Variants in CYP4A22 observed in about 807,000 individuals in gnomAD.
CYP4A22 encodes cytochrome P450 family 4 subfamily A member 22.
In CYP4A22, 46 loss-of-function variants were observed where a neutral mutation model predicts 56.2. That is an observed-to-expected ratio of 0.82 (90% CI 0.65 to 1.05). The LOEUF is 1.05. CYP4A22 is among the 50% of genes least tolerant of loss of function. The pLI is 0.00. For synonymous variants in CYP4A22, 193 were observed against 251.1 expected, an observed-to-expected ratio of 0.77 and a Z score of 2.19; for missense variants, 541 against 645.9, an observed-to-expected ratio of 0.84 and a Z score of 1.76.
chr1:47,137,927 G>C lies in CYP4A22; in HGVS notation c.195+247G>C, dbSNP rs184872377. ...CTTCTGCAGATATCAAGTGTGTCTT[G>C]GCAGTCCTGCACATGGAGGGCAATG... On this transcript the variant is annotated intron_variant, in intron 1 of 11. Transcript: ENST00000371891. 6.4e-4 allele frequency among the ~76,000 whole-genome samples: 97 copies of C among 151,488 alleles called. 1 individual carries two copies. Among genetic ancestry groups the C allele is most frequent in the Middle Eastern group, 6.8e-3 (2 of 292 alleles).
chr1:47,142,715 T>G lies in CYP4A22; in HGVS notation c.510+480T>G, dbSNP rs138235680. On this transcript the variant is annotated intron_variant, in intron 4 of 11. Coordinates refer to ENST00000371891, the MANE Select transcript of CYP4A22 (RefSeq NM_001010969.4). ...GGTCTATGTTCTCAGAGCAATACCT[T>G]CCATAGATAGCATCATCTCCAGTCA... Among the ~76,000 whole-genome samples the G allele has an allele frequency of 7.8e-3, 1,187 of 152,294 alleles. 9 individuals carry two copies. Among genetic ancestry groups the G allele is most frequent in the South Asian group, 0.034 (164 of 4,828 alleles).
At position 47,137,559 on chromosome 1, in the gene CYP4A22, T is replaced by G; in HGVS notation, c.74T>G (p.Leu25Arg). 1 of 1,614,180 alleles carries G rather than the reference T, an allele frequency of 6.2e-7. No homozygotes were observed. Among genetic ancestry groups the G allele is most frequent in the South Asian group, 1.1e-5 (1 of 91,086 alleles). ...VSGILQVTSL[L>R]ILLLLLIKAA... Reference sequence around the variant, plus strand: ...GGGATCCTCCAAGTGACCTCCCTGCTCATTCTGCTTCTGCTGCTGATCAAG... The same window carrying G: ...GGGATCCTCCAAGTGACCTCCCTGCGCATTCTGCTTCTGCTGCTGATCAAG... Residue 25 changes from leucine (L) to arginine (R), a missense_variant, in exon 1 of 12, where the codon CTC becomes CGC. Transcript: ENST00000371891.
chr1:47,142,502 C>A (rs1459065352), intron 4 of CYP4A22, among the ~76,000 whole-genome samples: 1 of 152,214 alleles, frequency 6.6e-6, no homozygotes, highest in Non-Finnish European at 1.5e-5. Context: ...CACTTTGGAA[C>A]CTCAGCACAA....
At position 47,145,933 on chromosome 1, in the gene CYP4A22, A is replaced by G; in HGVS notation, c.1287+3A>G. 1 of 1,614,120 alleles carries G rather than the reference A, an allele frequency of 6.2e-7. No homozygotes were observed. The highest frequency in any genetic ancestry group is 8.5e-7 in the Non-Finnish European group (1 of 1,180,016). ...CAAAAGTGTGGCCCAACCTAGAGGT[A>G]TGTGGTCCTTGAGAGGAGGAAATGG... On this transcript the variant is annotated splice_donor_region_variant and intron_variant, in intron 10 of 11. Coordinates refer to ENST00000371891, the MANE Select transcript of CYP4A22 (RefSeq NM_001010969.4).
rs768329252 is a variant in CYP4A22, at chr1:47,142,102, C to G, written c.383-6C>G. 6.2e-7 allele frequency: 1 copy of G among 1,611,920 alleles called. No individual in the cohort carries two copies. Among genetic ancestry groups the G allele is most frequent in the East Asian group, 2.2e-5 (1 of 44,856 alleles). On this transcript the variant is annotated splice_polypyrimidine_tract_variant and splice_region_variant and intron_variant, in intron 3 of 11. Transcript: ENST00000371891. The stretch of plus-strand genomic sequence containing the variant: ...ACACACATACACATATTCGTGTCTA[C>G]CTTAGGGTACGGCTTGCTCCTGTTG...
chr1:47,148,762 C>T lies in CYP4A22; in HGVS notation c.1525C>T (p.Leu509Phe), dbSNP rs4926600. Residue 509 changes from leucine (L) to phenylalanine (F), a missense_variant, in exon 12 of 12, where the codon CTC (leucine) becomes TTC (phenylalanine). Around this residue, in one of 3 missense-constraint regions of CYP4A22, gnomAD observed 204 missense variants for 258.9 expected, o/e 0.79. Coordinates refer to ENST00000371891, the MANE Select transcript of CYP4A22 (RefSeq NM_001010969.4). ...TGGAATCCACCTGCGTCTCAGGAGG[C>T]TCCCTAACCCTTGTGAAGACAAGGA... is the stretch of plus-strand genomic sequence containing the variant. ...KNGIHLRLRR[L>F]PNPCEDKDQL 0.099 allele frequency: 160,201 copies of T among 1,612,482 alleles called. 10,494 individuals are homozygous for T. Among genetic ancestry groups the T allele is most frequent in the East Asian group, 0.32 (14,319 of 44,782 alleles).
At chr1:47,144,104 A>G (rs562703304) in intron 6 of CYP4A22, among the ~76,000 whole-genome samples, 188 bp downstream of exon 6, 82 of 152,332 alleles carry the variant, frequency 5.4e-4, no homozygotes, top group African/African-American at 1.9e-3. Context: ...TGGTTTATCA[A>G]TGTCCCCACA....
chr1:47,144,725 G>C lies in CYP4A22; in HGVS notation c.1073G>C (p.Gly358Ala). Residue 358 changes from glycine (G) to alanine (A), a missense_variant, in exon 8 of 12, where the codon GGA (glycine) becomes GCA (alanine). By Grantham distance (60) the Gly-to-Ala change is moderately conservative. Transcript: ENST00000371891. ...GAGATCCATGGCCTCCTGGGTGATGGAGCCTCCATCACCTGGTGAGTGAGG... is the reference window on the plus strand; with the variant it reads ...GAGATCCATGGCCTCCTGGGTGATGCAGCCTCCATCACCTGGTGAGTGAGG... ...REEIHGLLGD[G>A]ASITWNHLDQ... The C allele has an allele frequency of 1.9e-6, 3 of 1,613,960 alleles. No individual in the cohort carries two copies. Among genetic ancestry groups the C allele is most frequent in the Non-Finnish European group, 1.7e-6 (2 of 1,179,900 alleles).
Position 47,137,542 on chromosome 1 carries a change from C to G in CYP4A22, c.57C>G (p.Leu19=). ...GCCTGGGTGGTGTCTCCGGGATCCT[C>G]CAAGTGACCTCCCTGCTCATTCTGC... ...SRRLGGVSGI[L]QVTSLLILLL... is the part of the protein sequence containing the mutation. The change falls in exon 1 of 12, where the codon CTC becomes CTG. Residue 19 remains leucine, a synonymous_variant. Transcript: ENST00000371891. 1 of 1,614,030 alleles carries G rather than the reference C, an allele frequency of 6.2e-7. No homozygotes were observed. The highest frequency in any genetic ancestry group is 1.1e-5 in the South Asian group (1 of 91,084).
At position 47,144,291 on chromosome 1, in the gene CYP4A22, G is replaced by T. The variant is rs1462214102; in HGVS notation, c.791-66G>T. 2.5e-6 allele frequency: 4 copies of T among 1,573,178 alleles called. No homozygotes were observed. The East Asian group carries it at 6.8e-5, about 27-fold the overall frequency. On this transcript the variant is annotated intron_variant, in intron 6 of 11. Transcript: ENST00000371891. Reference sequence around the variant, plus strand: ...CAGGCACCCACACTGGGGCAGTTGGGCAGCTAGGCCTCCTGGGGGCTGCTG... The same window carrying T: ...CAGGCACCCACACTGGGGCAGTTGGTCAGCTAGGCCTCCTGGGGGCTGCTG...
chr1:47,143,640 A>G (rs1645038921), intron 5 of CYP4A22, 122 bp from the exon 6 acceptor site: 1 of 1,396,770 alleles, frequency 7.2e-7, no homozygotes, highest in Middle Eastern at 1.9e-4. Flanking sequence ...TGTAAGATAG[A>G]AGAAACATTG....
intron 9 of CYP4A22, among the ~76,000 whole-genome samples, chr1:47,145,472 T>G (rs1645065925): frequency 6.6e-6 from 1 of 152,152 alleles, no homozygotes; most frequent in Admixed American, 6.5e-5. Context: ...GACAAGACAA[T>G]TGGTCTCTCT....
intron 1 of CYP4A22, among the ~76,000 whole-genome samples, chr1:47,138,341 C>G (rs1644968090): frequency 6.6e-6 from 1 of 152,166 alleles, no homozygotes; most frequent in Non-Finnish European, 1.5e-5. Context: ...GCACAATGTC[C>G]TCCAAGTGAG....
chr1:47,140,855 T>A lies in CYP4A22; in HGVS notation c.271T>A (p.Trp91Arg), dbSNP rs775848300. 3 of 1,614,014 alleles carry A rather than the reference T, an allele frequency of 1.9e-6. No individual in the cohort carries two copies. Among genetic ancestry groups the A allele is most frequent in the African/African-American group, 1.3e-5 (1 of 74,902 alleles). The part of the protein sequence containing the change: ...TFPSACPYWI[W>R]GGKVRVQLYD... ...CCCAAGTGCCTGTCCTTATTGGATA[T>A]GGGGAGGCAAAGTTCGTGTCCAGCT... is the stretch of plus-strand genomic sequence containing the variant. Residue 91 changes from tryptophan (W) to arginine (R), a missense_variant, in exon 2 of 12, where the codon TGG becomes AGG. This residue lies in a region of CYP4A22 where 335 missense variants were observed against 361.2 expected (regional missense o/e 0.93). Coordinates refer to ENST00000371891, the MANE Select transcript of CYP4A22 (RefSeq NM_001010969.4).
Position 47,144,982 on chromosome 1 carries a change from C to A in CYP4A22, c.1222+12C>A, listed in dbSNP as rs763390411. On this transcript the variant is annotated intron_variant, in intron 9 of 11. Transcript: ENST00000371891. ...CTCCTTGCCCAAAGGTATGAAGTTT[C>A]CCCACCCTCTCACCCAAAGTCTCCA... 1 of 1,613,950 alleles carries A rather than the reference C, an allele frequency of 6.2e-7. No homozygotes were observed. The highest frequency in any genetic ancestry group is 1.1e-5 in the South Asian group (1 of 91,060).
At position 47,148,632 on chromosome 1, in the gene CYP4A22, C is replaced by T; in HGVS notation, c.1395C>T (p.Asn465=). The T allele has an allele frequency of 3.1e-6, 5 of 1,612,634 alleles. No homozygotes were observed. In the South Asian group the frequency reaches 3.3e-5, roughly 11 times the overall value. ...RNCIGKQFAM[N]QLKVARALTL... ...GCATCGGGAAACAATTTGCCATGAACCAGCTGAAGGTGGCCAGGGCCCTGA... is the reference window on the plus strand; with the variant it reads ...GCATCGGGAAACAATTTGCCATGAATCAGCTGAAGGTGGCCAGGGCCCTGA... Residue 465 remains asparagine, a synonymous_variant, in exon 12 of 12, where the codon AAC becomes AAT. Coordinates refer to ENST00000371891, the MANE Select transcript of CYP4A22 (RefSeq NM_001010969.4).
chr1:47,141,260 CAGG>C (rs1442431861), intron 2 of CYP4A22, among the ~76,000 whole-genome samples: 3 of 152,168 alleles, frequency 2.0e-5, no homozygotes, highest in Non-Finnish European at 4.4e-5. Flanking sequence ...CTGTCCTGGT[CAGG>C]AGGTGACTAG....
chr1:47,140,629 T>TA, intron 1 of CYP4A22, 151 bp from the exon 2 acceptor site: 1 of 1,230,574 alleles, frequency 8.1e-7, no homozygotes, highest in Non-Finnish European at 1.1e-6. Flanking sequence ...CCTGGGGAGA[T>TA]ACAAAGAATC....
Position 47,143,498 on chromosome 1 carries a change from A to T in CYP4A22, c.635+105A>T, listed in dbSNP as rs936680431. 2.7e-6 allele frequency: 4 copies of T among 1,504,304 alleles called. No individual in the cohort carries two copies. In the African/African-American group the frequency reaches 5.6e-5, roughly 21 times the overall value. 93.2% of individuals were successfully genotyped at this position (1,504,304 alleles called of 1,614,324 possible). A position where few individuals can be genotyped will look rare whatever the true frequency, so the allele number is the denominator to read the frequency against. Reference sequence around the variant, plus strand: ...GTGAAGGCTCACCGCCACACAAAGGAAGAGTCAGTCCCTGACCAAACTCTA... The same window carrying T: ...GTGAAGGCTCACCGCCACACAAAGGTAGAGTCAGTCCCTGACCAAACTCTA... On this transcript the variant is annotated intron_variant, in intron 5 of 11. Transcript: ENST00000371891.
Sources: allele counts gnomAD v4.1 joint callset (sites outside exome capture counted in the v4.1 genomes callset), GRCh38; gene constraint gnomAD v4.1.1; regional missense constraint gnomAD v4.1.1; transcripts MANE v1.5; gene names NCBI Gene and HGNC (gene_info 2026-07-23, HGNC 2026-07-21).